FBXL5: variants seen among roughly 807,000 people sequenced by gnomAD.
FBXL5 encodes F-box/LRR-repeat protein 5.
A neutral mutation model predicts 78.3 loss-of-function variants in FBXL5; 26 were observed. The ratio of observed to expected loss-of-function variants is 0.33; its 90% CI spans 0.24 to 0.46. The LOEUF (loss-of-function observed/expected upper bound fraction) is 0.46, where lower values mean the gene tolerates loss of function less well. Among genes scored for constraint, FBXL5 ranks in the 20% least tolerant of loss-of-function variants. FBXL5 has a pLI of 1.00. For missense variants in FBXL5, 710 were observed against 829.2 expected (o/e 0.86, Z 1.77); for synonymous variants, 295 against 282.5 (o/e 1.04, Z -0.45).
At chr4:15,633,798 C>A (rs1351944558) in intron 5 of FBXL5, among the ~76,000 whole-genome samples, 1 of 152,164 alleles carries the variant, frequency 6.6e-6, no homozygotes, top group Non-Finnish European at 1.5e-5. Flanking sequence ...GAGCGTTTCA[C>A]CTTGTTGCCC....
intron 1 of FBXL5, among the ~76,000 whole-genome samples, chr4:15,679,571 A>AC (rs1384758006): frequency 1.3e-5 from 2 of 151,260 alleles, no homozygotes; most frequent in Admixed American, 6.6e-5. Context: ...ACAAAAAAAA[A>AC]AAAAAACAAA....
At position 15,604,979 on chromosome 4, in the gene FBXL5, T is replaced by G. The variant is rs1479940941; in HGVS notation, c.*744A>C. The G allele has an allele frequency of 6.6e-6, 1 of 152,346 alleles. No individual in the cohort carries two copies. The highest frequency in any genetic ancestry group is 1.5e-5 in the Non-Finnish European group (1 of 68,044). 9.4% of individuals were successfully genotyped at this position (152,346 alleles called of 1,614,324 possible). A position where few individuals can be genotyped will look rare whatever the true frequency, so the allele number is the denominator to read the frequency against. ...ACTAAAGTAAACCTGGATTGAGATT[T>G]ATAATAAAAATCACAACACAACAGT... On this transcript the variant is annotated 3_prime_UTR_variant, in exon 11 of 11. Coordinates refer to ENST00000341285, the MANE Select transcript of FBXL5 (RefSeq NM_012161.4).
At chr4:15,668,840 A>T (rs1228433093) in intron 1 of FBXL5, among the ~76,000 whole-genome samples, 2 of 152,218 alleles carry the variant, frequency 1.3e-5, no homozygotes, top group Non-Finnish European at 2.9e-5. Context: ...TTTTCTTCTA[A>T]CATGTCTGGA....
At chr4:15,633,645 G>A (rs965049474) in intron 5 of FBXL5, among the ~76,000 whole-genome samples, 9 of 152,328 alleles carry the variant, frequency 5.9e-5, no homozygotes, top group Admixed American at 4.6e-4. Context: ...CCAGGCTGGA[G>A]TGCAATGGCA....
intron 9 of FBXL5, among the ~76,000 whole-genome samples, chr4:15,619,906 T>G (rs971790311): frequency 1.3e-5 from 2 of 152,042 alleles, no homozygotes; most frequent in African/African-American, 4.8e-5. Context: ...CTAAAACCTG[T>G]TAGAACTACA....
At position 15,636,678 on chromosome 4, in the gene FBXL5, T is replaced by C. The variant is rs746346801; in HGVS notation, c.584-2A>G. 7.8e-6 allele frequency: 12 copies of C among 1,540,536 alleles called. 1 individual carries two copies. The Middle Eastern group carries it at 1.0e-3, about 135-fold the overall frequency. On this transcript the variant is annotated splice_acceptor_variant, in intron 4 of 10. Coordinates refer to ENST00000341285, the MANE Select transcript of FBXL5 (RefSeq NM_012161.4). LOFTEE classifies it high-confidence loss of function. ...TGGAGTGTTCTGACACTTCTGCTTC[T>C]GAAATAAAAAAGAAAAACTTTACCA... is the stretch of plus-strand genomic sequence containing the variant.
In FBXL5 at chr4:15,625,850, A is replaced by T. The variant is rs1325787028; in HGVS notation, c.1252T>A (p.Phe418Ile). The change falls in exon 9 of 11, where the codon TTT becomes ATT. Residue 418 changes from phenylalanine (F) to isoleucine (I), a missense_variant. Around this residue, in one of 4 missense-constraint regions of FBXL5, gnomAD observed 517 missense variants for 542.9 expected, o/e 0.95. Transcript: ENST00000341285. Reference sequence around the variant, plus strand: ...ATTTTGCTTGTAGATGTTTTCAAAAAGCCACTTTGATGAGATGTCAGAATT... The same window carrying T: ...ATTTTGCTTGTAGATGTTTTCAAAATGCCACTTTGATGAGATGTCAGAATT... ...LGILTSHQSG[F>I]LKTSTSKITS... 1 of 1,614,126 alleles carries T rather than the reference A, an allele frequency of 6.2e-7. No homozygotes were observed.
At chr4:15,646,526 C>G (rs1715363712) in intron 1 of FBXL5, among the ~76,000 whole-genome samples, 1 of 150,082 alleles carries the variant, frequency 6.7e-6, no homozygotes, top group Non-Finnish European at 1.5e-5. Flanking sequence ...TCAAAAGAAA[C>G]CATTAATGCT....
chr4:15,628,695 G>A (rs1713311162), intron 6 of FBXL5, among the ~76,000 whole-genome samples: 1 of 150,952 alleles, frequency 6.6e-6, no homozygotes, highest in Non-Finnish European at 1.5e-5. Flanking sequence ...CAGACAAAAG[G>A]ATATCAACTA....
intron 1 of FBXL5, among the ~76,000 whole-genome samples, chr4:15,680,600 C>T (rs1031227273): frequency 2.0e-5 from 3 of 152,004 alleles, no homozygotes; most frequent in Admixed American, 2.0e-4. Context: ...TCGCTTGAAC[C>T]AGGAGGCTGA....
chr4:15,661,101 C>T (rs1297289110), upstream of FBXL5, among the ~76,000 whole-genome samples: 1 of 151,932 alleles, frequency 6.6e-6, no homozygotes, highest in Non-Finnish European at 1.5e-5. Context: ...GTTAGGTAAC[C>T]TTTAACGAAT....
intron 6 of FBXL5, among the ~76,000 whole-genome samples, chr4:15,628,753 C>A (rs1262764792): frequency 7.0e-6 from 1 of 141,850 alleles, no homozygotes. Flanking sequence ...ATCCTAAATT[C>A]CTCCTTTAGC....
chr4:15,633,459 C>G (rs937331780), intron 5 of FBXL5, among the ~76,000 whole-genome samples: 17 of 152,104 alleles, frequency 1.1e-4, no homozygotes, highest in Non-Finnish European at 2.4e-4. Flanking sequence ...AACCAGTCAG[C>G]AGTTCAGAAG....
upstream of FBXL5, among the ~76,000 whole-genome samples, chr4:15,663,460 T>A (rs12644327): frequency 0.28 from 42,211 of 152,050 alleles, 6,098 homozygotes; most frequent in East Asian, 0.47. Context: ...GTTGGACTGA[T>A]TGTCTGGGTT....
rs566438801 is a variant in FBXL5, at chr4:15,649,267, T to C, written c.85-4559A>G. On this transcript the variant is annotated intron_variant, in intron 1 of 10. Coordinates refer to ENST00000341285, the MANE Select transcript of FBXL5 (RefSeq NM_012161.4). ...ACATTTTTAACCCGGTACCTAAAGT[T>C]AGTAAATTTAGCAGTTAAAAGAATA... 3.9e-5 allele frequency among the ~76,000 whole-genome samples: 6 copies of C among 152,026 alleles called. No homozygotes were observed. The South Asian group carries it at 1.2e-3, about 32-fold the overall frequency.
intron 7 of FBXL5, among the ~76,000 whole-genome samples, 176 bp from the exon 8 acceptor site, chr4:15,627,131 CTTTTTTTT>C (rs33920814): frequency 2.3e-5 from 2 of 87,828 alleles, no homozygotes; most frequent in African/African-American, 9.1e-5. Flanking sequence ...CTGAGAATCT[CTTTTTTTT>C]TTTTTTTTTT....
chr4:15,664,191 A>G (rs1385462316), upstream of FBXL5, among the ~76,000 whole-genome samples: 1 of 152,150 alleles, frequency 6.6e-6, no homozygotes, highest in Non-Finnish European at 1.5e-5. Flanking sequence ...CAGTATCTTA[A>G]TAAGACACAT....
upstream of FBXL5, chr4:15,656,096 G>A (rs1401408797): frequency 2.3e-6 from 1 of 441,320 alleles, no homozygotes; most frequent in African/African-American, 2.0e-5. Context: ...GCAGGAACGC[G>A]GGTCAGGGAT....
rs1436763534 is a variant in FBXL5 at position 15,630,797 on chromosome 4, C to G, written c.767-6G>C. On this transcript the variant is annotated splice_region_variant and splice_polypyrimidine_tract_variant and intron_variant, in intron 5 of 10. Transcript: ENST00000341285. ...GGGACCACTATACCAGTCACCTACTCAATGAATAAACAAGTAAAAGGTTCA... is the reference window on the plus strand; with the variant it reads ...GGGACCACTATACCAGTCACCTACTGAATGAATAAACAAGTAAAAGGTTCA... 31 of 1,602,510 alleles carry G rather than the reference C, an allele frequency of 1.9e-5. No individual in the cohort carries two copies. The highest frequency in any genetic ancestry group is 2.5e-5 in the Non-Finnish European group (30 of 1,179,130).
Sources: allele counts gnomAD v4.1 joint callset (sites outside exome capture counted in the v4.1 genomes callset), GRCh38; gene constraint gnomAD v4.1.1; regional missense constraint gnomAD v4.1.1; transcripts MANE v1.5; gene names NCBI Gene and HGNC (gene_info 2026-07-23, HGNC 2026-07-21).